Variants in TMEM161B observed in about 807,000 individuals in gnomAD.
TMEM161B encodes transmembrane protein 161B.
TMEM161B carries 34 observed loss-of-function variants against 61.8 expected under a neutral mutation model. The observed-to-expected ratio is 0.55, with a 90% confidence interval of 0.42 to 0.73. The LOEUF (loss-of-function observed/expected upper bound fraction) is 0.73, where lower values mean the gene tolerates loss of function less well. Among genes scored for constraint, TMEM161B ranks in the 30% least tolerant of loss-of-function variants. The pLI, the probability that TMEM161B is intolerant of heterozygous loss-of-function variation, is 0.00. For synonymous variants in TMEM161B, 167 were observed against 192.8 expected, an observed-to-expected ratio of 0.87 and a Z score of 1.11; for missense variants, 456 against 558.5, an observed-to-expected ratio of 0.82 and a Z score of 1.85.
chr5:88,221,704 G>T (rs1345786813), intron 4 of TMEM161B: 3 of 455,884 alleles, frequency 6.6e-6, no homozygotes, highest in South Asian at 3.1e-5. Flanking sequence ...TAGGTATTCT[G>T]GTTTACTTCT....
intron 2 of TMEM161B, among the ~76,000 whole-genome samples, chr5:88,234,539 T>C (rs1392500146): frequency 6.6e-6 from 1 of 152,184 alleles, no homozygotes; most frequent in Non-Finnish European, 1.5e-5. Context: ...TACTACATTT[T>C]GTATTCTGGT....
intron 4 of TMEM161B, among the ~76,000 whole-genome samples, chr5:88,223,911 A>G (rs1049498662): frequency 3.9e-5 from 6 of 151,996 alleles, no homozygotes; most frequent in Admixed American, 2.6e-4. Flanking sequence ...AAAAAAAAAC[A>G]GTCTAAATCA....
intron 1 of TMEM161B, among the ~76,000 whole-genome samples, chr5:88,248,282 C>T (rs969963334): frequency 5.3e-5 from 8 of 152,168 alleles, no homozygotes; most frequent in Admixed American, 1.3e-4. Context: ...TACTTCTCAG[C>T]GGGAGGTAGG....
intron 1 of TMEM161B, among the ~76,000 whole-genome samples, chr5:88,265,205 A>T (rs1404455951): frequency 6.6e-6 from 1 of 152,162 alleles, no homozygotes; most frequent in Non-Finnish European, 1.5e-5. Flanking sequence ...TCCTATGCAA[A>T]CTCAAGCTTG....
intron 1 of TMEM161B, among the ~76,000 whole-genome samples, chr5:88,246,209 T>C (rs1264995271): frequency 6.6e-6 from 1 of 151,710 alleles, no homozygotes; most frequent in Non-Finnish European, 1.5e-5. Flanking sequence ...AATATATTAT[T>C]ATATTCTTCT....
chr5:88,195,063 C>A lies in TMEM161B; in HGVS notation c.*1148G>T. The A allele has an allele frequency of 1.3e-6, 1 of 763,638 alleles. No homozygotes were observed. Among genetic ancestry groups the A allele is most frequent in the East Asian group, 1.3e-4 (1 of 7,772 alleles). 47.3% of individuals were successfully genotyped at this position (763,638 alleles called of 1,614,324 possible). On this transcript the variant is annotated 3_prime_UTR_variant, in exon 12 of 12. Coordinates refer to ENST00000296595, the MANE Select transcript of TMEM161B (RefSeq NM_153354.5). ...CTATTTAACAAAGGCATACATGATA[C>A]CTGTAGACCTGATTTGAGAGGGAAA...
At chr5:88,194,090 C>T (rs1169692214), downstream of TMEM161B, among the ~76,000 whole-genome samples, 1 of 152,074 alleles carries the variant, frequency 6.6e-6, no homozygotes, top group Non-Finnish European at 1.5e-5. Flanking sequence ...GTGAACCCAT[C>T]AATCAAATAG....
chr5:88,202,514 T>G (rs185847087), intron 9 of TMEM161B: 16 of 185,600 alleles, frequency 8.6e-5, no homozygotes, highest in Non-Finnish European at 1.5e-4. Context: ...TCAAAAATCC[T>G]TCATCAAAAA....
At chr5:88,246,669 G>A (rs910958998) in intron 1 of TMEM161B, among the ~76,000 whole-genome samples, 2 of 151,900 alleles carry the variant, frequency 1.3e-5, no homozygotes, top group African/African-American at 4.8e-5. Context: ...CACTGTATAA[G>A]TTTATACAAA....
intron 9 of TMEM161B, chr5:88,200,784 GTTC>G (rs1421488505): frequency 1.3e-5 from 2 of 152,028 alleles, no homozygotes; most frequent in Non-Finnish European, 2.9e-5. Context: ...TATATGCTGT[GTTC>G]TTCTTAGGAG....
At chr5:88,264,545 A>G (rs1407059605) in intron 1 of TMEM161B, among the ~76,000 whole-genome samples, 1 of 152,210 alleles carries the variant, frequency 6.6e-6, no homozygotes, top group Non-Finnish European at 1.5e-5. Context: ...AGGATCTAGA[A>G]CCAGAAATAC....
chr5:88,236,167 G>A (rs765846278), intron 2 of TMEM161B, among the ~76,000 whole-genome samples: 4 of 152,096 alleles, frequency 2.6e-5, no homozygotes, highest in African/African-American at 4.8e-5. Flanking sequence ...CTCTTTAACC[G>A]ATATGGGATG....
chr5:88,199,186 A>AC (rs1297597228), intron 9 of TMEM161B, 36 bp from the exon 10 acceptor site: 6 of 1,565,822 alleles, frequency 3.8e-6, no homozygotes, highest in Non-Finnish European at 5.2e-6. Context: ...GCTCTCAAAG[A>AC]CAACAATATG....
intron 1 of TMEM161B, among the ~76,000 whole-genome samples, chr5:88,246,872 T>C (rs1321105831): frequency 6.6e-6 from 1 of 152,048 alleles, no homozygotes; most frequent in East Asian, 1.9e-4. Flanking sequence ...CACAACCATA[T>C]GGGTCATTGA....
chr5:88,202,857 A>T, intron 9 of TMEM161B, 105 bp downstream of exon 9: 1 of 802,160 alleles, frequency 1.2e-6, no homozygotes, highest in Non-Finnish European at 2.2e-6. Context: ...TTAATGTCTG[A>T]AAAATACAGT....
At chr5:88,233,387 A>G (rs1275313640) in intron 2 of TMEM161B, among the ~76,000 whole-genome samples, 2 of 152,208 alleles carry the variant, frequency 1.3e-5, no homozygotes, top group Non-Finnish European at 2.9e-5. Flanking sequence ...AGAGAACACC[A>G]AATCCAAAAG....
chr5:88,205,156 A>T (rs1745211818), intron 8 of TMEM161B, among the ~76,000 whole-genome samples: 1 of 152,206 alleles, frequency 6.6e-6, no homozygotes, highest in African/African-American at 2.4e-5. Context: ...ATCTGTGACA[A>T]GCACAAAGAA....
chr5:88,189,867 CCTAAA>C, exon 13 of TMEM161B: 4 of 573,084 alleles, frequency 7.0e-6, no homozygotes, highest in Non-Finnish European at 1.2e-5. Flanking sequence ...ACATACTTTC[CCTAAA>C]CTATTTTTGA....
rs369383221 is a variant in TMEM161B at position 88,211,454 on chromosome 5, A to G, written c.447-4274T>C. ...CAAAAGTTCCATCAAGCAGAACAAA[A>G]AGACAAAATGAAAAGTAAGACAAGA... On this transcript the variant is annotated intron_variant, in intron 5 of 11. Transcript: ENST00000296595. Among the ~76,000 whole-genome samples, 3 of 152,004 alleles carry G rather than the reference A, an allele frequency of 2.0e-5. No individual in the cohort carries two copies. The East Asian group carries it at 5.8e-4, about 29-fold the overall frequency.
Sources: allele counts gnomAD v4.1 joint callset (sites outside exome capture counted in the v4.1 genomes callset), GRCh38; gene constraint gnomAD v4.1.1; transcripts MANE v1.5; gene names NCBI Gene and HGNC (gene_info 2026-07-23, HGNC 2026-07-21).